Variants in PCDHA7 observed in about 807,000 individuals in gnomAD.
PCDHA7 encodes the protein protocadherin alpha 7.
Under a neutral mutation model 57.2 loss-of-function variants are expected in PCDHA7, and 37 were observed. The observed-to-expected ratio is 0.65, with a 90% CI of 0.50 to 0.85. PCDHA7 has a LOEUF of 0.85. Ranked by LOEUF, PCDHA7 falls within the 40% of genes least tolerant of loss-of-function variation. The pLI, the probability that PCDHA7 is intolerant of heterozygous loss-of-function variation, is 0.00. For synonymous variants in PCDHA7, 553 were observed against 558.8 expected (o/e 0.99, Z 0.15); for missense variants, 1,188 against 1,241.8 (o/e 0.96, Z 0.65).
At chr5:140,973,946 G>A (rs566831681) in intron 1 of PCDHA7, among the ~76,000 whole-genome samples, 45 of 152,304 alleles carry the variant, frequency 3.0e-4, no homozygotes, top group Non-Finnish European at 1.5e-4. Flanking sequence ...GAATATGATG[G>A]CATTTTACAG....
chr5:140,853,120 C>T lies in PCDHA7; in HGVS notation c.2355+16382C>T, dbSNP rs1036865431. The T allele has an allele frequency of 1.7e-4, 85 of 494,062 alleles. 4 individuals carry two copies. Among genetic ancestry groups the T allele is most frequent in the Middle Eastern group, 1.0e-3 (1 of 976 alleles). 30.6% of individuals were successfully genotyped at this position (494,062 alleles called of 1,614,324 possible). On this transcript the variant is annotated intron_variant, in intron 1 of 3. Coordinates refer to ENST00000525929, the MANE Select transcript of PCDHA7 (RefSeq NM_018910.3). Reference sequence around the variant, plus strand: ...GGTCTCGATCTCCTGACCTCATGATCCTCCCGCCTCAGCCTCCCAAAATGC... The same window carrying T: ...GGTCTCGATCTCCTGACCTCATGATTCTCCCGCCTCAGCCTCCCAAAATGC...
intron 1 of PCDHA7, chr5:140,928,071 C>CTACTACAGCCTGCTG: frequency 6.2e-7 from 1 of 1,614,220 alleles, no homozygotes; most frequent in South Asian, 1.1e-5. Context: ...CCTTTGACAA[C>CTACTACAGCCTGCTG]TACTACAGCC....
rs2150229096 is a variant in PCDHA7, at chr5:140,834,926, C to T, written c.543C>T (p.Asp181=). 1 of 1,582,826 alleles carries T rather than the reference C, an allele frequency of 6.3e-7. No individual in the cohort carries two copies. Among genetic ancestry groups the T allele is most frequent in the African/African-American group, 1.4e-5 (1 of 71,160 alleles). ...RLSPNEYFFL[D]VPTSNQQVKP... is the part of the protein sequence containing the mutation. ...GCCCCAATGAGTATTTCTTCCTGGACGTGCCAACCAGCAACCAGCAGGTAA... is the reference window on the plus strand; with the variant it reads ...GCCCCAATGAGTATTTCTTCCTGGATGTGCCAACCAGCAACCAGCAGGTAA... The change falls in exon 1 of 4, where the codon GAC becomes GAT. Residue 181 remains aspartate, a synonymous_variant. Coordinates refer to ENST00000525929, the MANE Select transcript of PCDHA7 (RefSeq NM_018910.3).
rs2098416660 is a variant in PCDHA7, at chr5:141,010,249, T to C, written c.*312T>C. ...GCCCCGCCAGTGAGAGGTTGGACTC[T>C]CTGCCCTGTGCTCCGGGGATCCTGT... On this transcript the variant is annotated 3_prime_UTR_variant, in exon 4 of 4. Coordinates refer to ENST00000525929, the MANE Select transcript of PCDHA7 (RefSeq NM_018910.3). 2 of 1,551,772 alleles carry C rather than the reference T, an allele frequency of 1.3e-6. No homozygotes were observed. Among genetic ancestry groups the C allele is most frequent in the Non-Finnish European group, 1.7e-6 (2 of 1,147,036 alleles).
chr5:140,967,391 C>T, intron 1 of PCDHA7: 1 of 1,609,676 alleles, frequency 6.2e-7, no homozygotes, highest in South Asian at 1.1e-5. Flanking sequence ...AGTGCTTGAG[C>T]TGGTGCTGCG....
At chr5:140,869,746 A>G in intron 1 of PCDHA7, 1 of 1,613,340 alleles carries the variant, frequency 6.2e-7, no homozygotes, top group Non-Finnish European at 8.5e-7. Flanking sequence ...GCTAACAGCT[A>G]CAGACGGGGG....
intron 3 of PCDHA7, among the ~76,000 whole-genome samples, chr5:140,996,006 C>G (rs962825775): frequency 6.6e-6 from 1 of 152,204 alleles, no homozygotes; most frequent in Non-Finnish European, 1.5e-5. Context: ...GTCGTCAGAA[C>G]TATTACTACT....
chr5:140,952,582 G>A (rs552541968), intron 1 of PCDHA7, among the ~76,000 whole-genome samples: 4 of 152,220 alleles, frequency 2.6e-5, no homozygotes, highest in East Asian at 3.9e-4. Context: ...AATCATTCAA[G>A]TAGTCTCTAG....
At chr5:140,906,813 A>G (rs1287106484) in intron 1 of PCDHA7, among the ~76,000 whole-genome samples, 4 of 152,042 alleles carry the variant, frequency 2.6e-5, no homozygotes, top group African/African-American at 4.8e-5. Flanking sequence ...CCTTACCTCC[A>G]CTGTGGAGTA....
At chr5:140,993,460 T>TCCCACA (rs1554253699) in intron 3 of PCDHA7, among the ~76,000 whole-genome samples, 8 of 104,506 alleles carry the variant, frequency 7.7e-5, no homozygotes, top group African/African-American at 3.1e-4. Context: ...CTTCTTTCTT[T>TCCCACA]CTCACACACA....
chr5:140,839,283 C>A (rs1309701563), intron 1 of PCDHA7, among the ~76,000 whole-genome samples: 1 of 151,960 alleles, frequency 6.6e-6, no homozygotes, highest in Non-Finnish European at 1.5e-5. Context: ...ACCTTCCTAG[C>A]ATATTATTAA....
At chr5:141,003,122 C>A (rs782642950) in intron 3 of PCDHA7, among the ~76,000 whole-genome samples, 57 of 152,318 alleles carry the variant, frequency 3.7e-4, no homozygotes, top group African/African-American at 9.6e-4. Context: ...TGGCCCTTTC[C>A]TGGCATTTGC....
rs370640529 is a variant in PCDHA7, at chr5:140,968,552, C to G, written c.2356-10397C>G. 5 of 1,614,184 alleles carry G rather than the reference C, an allele frequency of 3.1e-6. No homozygotes were observed. The East Asian group carries it at 1.1e-4, about 36-fold the overall frequency. ...GTCAGCAGCCTTCGAGATGGTGCCT[C>G]GAACTGCCCCTGCTGGCTACCTGGT... On this transcript the variant is annotated intron_variant, in intron 1 of 3. Coordinates refer to ENST00000525929, the MANE Select transcript of PCDHA7 (RefSeq NM_018910.3).
chr5:140,949,852 T>C (rs1311994394), intron 1 of PCDHA7, among the ~76,000 whole-genome samples: 1 of 151,956 alleles, frequency 6.6e-6, no homozygotes. Context: ...TGTTTCCGCT[T>C]ATCTGTTGTC....
chr5:140,841,723 G>C, intron 1 of PCDHA7: 1 of 1,613,856 alleles, frequency 6.2e-7, no homozygotes. Context: ...CAGTGTTCCG[G>C]GTAAAAGACC....
chr5:140,952,471 A>AAAGT (rs1205705150), intron 1 of PCDHA7, among the ~76,000 whole-genome samples: 2 of 152,204 alleles, frequency 1.3e-5, no homozygotes, highest in Non-Finnish European at 2.9e-5. Context: ...AAGCATAAGG[A>AAAGT]AAGTGACATT....
intron 1 of PCDHA7, chr5:140,870,354 G>T: frequency 6.2e-7 from 1 of 1,614,226 alleles, no homozygotes; most frequent in Non-Finnish European, 8.5e-7. Context: ...GCGAGAACGT[G>T]TGGGCCTATG....
chr5:140,846,989 C>T (rs1449097023), intron 1 of PCDHA7, among the ~76,000 whole-genome samples: 1 of 149,196 alleles, frequency 6.7e-6, no homozygotes, highest in Non-Finnish European at 1.5e-5. Flanking sequence ...AAGTTCCCCC[C>T]GGGAGAATAT....
intron 1 of PCDHA7, chr5:140,884,023 G>C (rs1554181067): frequency 2.5e-6 from 4 of 1,613,202 alleles, no homozygotes; most frequent in Non-Finnish European, 3.4e-6. Flanking sequence ...CGCGGTCGGT[G>C]GGTGCAGGCC....
Sources: allele counts gnomAD v4.1 joint callset (sites outside exome capture counted in the v4.1 genomes callset), GRCh38; gene constraint gnomAD v4.1.1; transcripts MANE v1.5; gene names NCBI Gene and HGNC (gene_info 2026-07-23, HGNC 2026-07-21).